RBMS3: variants seen among roughly 807,000 people sequenced by gnomAD.
RBMS3 encodes the protein RNA binding motif single stranded interacting protein 3, also known as RNA-binding motif, single-stranded-interacting protein 3.
RBMS3 carries 27 observed loss-of-function variants against 66.8 expected under a neutral mutation model. That is an observed-to-expected ratio of 0.40 (90% CI 0.30 to 0.56). The LOEUF (loss-of-function observed/expected upper bound fraction) is 0.56, where lower values mean the gene tolerates loss of function less well. Ranked by LOEUF, RBMS3 falls within the 20% of genes least tolerant of loss-of-function variation. RBMS3 has a pLI of 0.40. For synonymous variants in RBMS3, 188 were observed against 183.0 expected, an observed-to-expected ratio of 1.03 and a Z score of -0.22; for missense variants, 513 against 549.5, an observed-to-expected ratio of 0.93 and a Z score of 0.66.
chr3:29,642,070 A>T (rs951568316), intron 4 of RBMS3, among the ~76,000 whole-genome samples: 2 of 152,096 alleles, frequency 1.3e-5, no homozygotes, highest in African/African-American at 4.8e-5. Context: ...AACTGCTTTC[A>T]CTTACTGAAC....
intron 4 of RBMS3, among the ~76,000 whole-genome samples, chr3:29,608,546 T>C (rs2048387342): frequency 6.6e-6 from 1 of 152,032 alleles, no homozygotes; most frequent in African/African-American, 2.4e-5. Flanking sequence ...GTCTATTATT[T>C]AGATGACCAA....
In RBMS3 at chr3:29,456,979, A is replaced by T. The variant is rs1266370985; in HGVS notation, c.248+22064A>T. Among the ~76,000 whole-genome samples the T allele has an allele frequency of 3.3e-5, 5 of 152,210 alleles. No homozygotes were observed. In the East Asian group the frequency reaches 9.6e-4, roughly 29 times the overall value. ...TCTTTTGAAATGGTTCTTGTAGGAC[A>T]GGTTGTATTATGATGGTTATGGTGA... On this transcript the variant is annotated intron_variant, in intron 2 of 14. Transcript: ENST00000383767.
chr3:29,971,986 A>G (rs73829214), intron 12 of RBMS3, among the ~76,000 whole-genome samples: 1,721 of 152,272 alleles, frequency 0.011, 37 homozygotes, highest in African/African-American at 0.039. Context: ...GGAATAGCCA[A>G]ACATAATTGA....
At chr3:29,400,907 T>C (rs1220919845) in intron 1 of RBMS3, among the ~76,000 whole-genome samples, 1 of 152,032 alleles carries the variant, frequency 6.6e-6, no homozygotes. Flanking sequence ...ATTTTTGGAC[T>C]GGAGAGTTGA....
chr3:29,792,891 C>T (rs922459045), intron 6 of RBMS3, among the ~76,000 whole-genome samples: 2 of 151,986 alleles, frequency 1.3e-5, no homozygotes, highest in African/African-American at 4.8e-5. Context: ...TTTGGTAGAG[C>T]GTGGACATGA....
chr3:29,546,298 G>C (rs1216277454), intron 3 of RBMS3, among the ~76,000 whole-genome samples: 1 of 152,098 alleles, frequency 6.6e-6, no homozygotes, highest in Admixed American at 6.6e-5. Flanking sequence ...GCATAGAGAG[G>C]TAAAGTATAT....
intron 12 of RBMS3, among the ~76,000 whole-genome samples, chr3:29,964,601 C>T (rs1276399166): frequency 6.6e-6 from 1 of 152,078 alleles, no homozygotes; most frequent in Non-Finnish European, 1.5e-5. Context: ...TTCTTCTTTC[C>T]TTCATGAAAA....
chr3:29,400,047 G>GATTGGCAC (rs1288635553), intron 1 of RBMS3, among the ~76,000 whole-genome samples: 1 of 152,114 alleles, frequency 6.6e-6, no homozygotes, highest in Non-Finnish European at 1.5e-5. Flanking sequence ...GAAGCAGAAA[G>GATTGGCAC]ATTGGCACAC....
chr3:29,741,743 C>A (rs1201049926), intron 5 of RBMS3, among the ~76,000 whole-genome samples: 1 of 152,142 alleles, frequency 6.6e-6, no homozygotes, highest in Non-Finnish European at 1.5e-5. Context: ...TTTATTTTCT[C>A]ACAATTTTGG....
At chr3:29,459,698 A>G (rs1175187751) in intron 2 of RBMS3, among the ~76,000 whole-genome samples, 1 of 152,232 alleles carries the variant, frequency 6.6e-6, no homozygotes, top group Admixed American at 6.5e-5. Context: ...CAAGGGAAGG[A>G]CATAATCACA....
At chr3:29,987,816 A>C (rs73829219) in intron 12 of RBMS3, among the ~76,000 whole-genome samples, 1 of 151,904 alleles carries the variant, frequency 6.6e-6, no homozygotes, top group African/African-American at 2.4e-5. Context: ...ATCATCCCCA[A>C]CTCTCCTGGA....
intron 4 of RBMS3, among the ~76,000 whole-genome samples, chr3:29,733,056 T>C (rs2054201545): frequency 6.6e-6 from 1 of 152,186 alleles, no homozygotes; most frequent in Admixed American, 6.5e-5. Flanking sequence ...ATAAAATGAC[T>C]CTGAAACATT....
chr3:29,667,054 T>G (rs746732885), intron 4 of RBMS3, among the ~76,000 whole-genome samples: 28 of 152,338 alleles, frequency 1.8e-4, no homozygotes, highest in Non-Finnish European at 3.5e-4. Flanking sequence ...TAAATTAATA[T>G]TTAATATTTA....
chr3:29,574,241 A>T (rs2047036697), intron 3 of RBMS3, among the ~76,000 whole-genome samples: 1 of 152,158 alleles, frequency 6.6e-6, no homozygotes, highest in Non-Finnish European at 1.5e-5. Context: ...AGGGTGCTCC[A>T]GTGTTGGGTG....
intron 1 of RBMS3, among the ~76,000 whole-genome samples, chr3:29,419,206 ATCTTT>A (rs1015591896): frequency 3.3e-5 from 5 of 152,108 alleles, no homozygotes; most frequent in Non-Finnish European, 7.4e-5. Flanking sequence ...TTATCTATTT[ATCTTT>A]TCTTTGCTTT....
At chr3:29,843,199 A>G (rs1199357002) in intron 6 of RBMS3, among the ~76,000 whole-genome samples, 2 of 152,236 alleles carry the variant, frequency 1.3e-5, no homozygotes, top group African/African-American at 4.8e-5. Flanking sequence ...GTGAACTTCT[A>G]TTAACTCAAG....
chr3:29,457,199 C>T (rs1188812051), intron 2 of RBMS3, among the ~76,000 whole-genome samples: 6 of 152,188 alleles, frequency 3.9e-5, no homozygotes, highest in Admixed American at 3.9e-4. Context: ...GTTGCCACGT[C>T]CTAACATGTC....
intron 1 of RBMS3, among the ~76,000 whole-genome samples, chr3:29,408,089 G>A (rs905678086): frequency 4.0e-5 from 6 of 151,720 alleles, no homozygotes; most frequent in South Asian, 2.1e-4. Flanking sequence ...TGGCTAACAC[G>A]GTGAAACCCC....
intron 4 of RBMS3, among the ~76,000 whole-genome samples, chr3:29,703,126 CACTT>C (rs1303068380): frequency 6.6e-6 from 1 of 152,208 alleles, no homozygotes; most frequent in Non-Finnish European, 1.5e-5. Context: ...CAATAATTCT[CACTT>C]ACATTTAAGT....
Sources: allele counts gnomAD v4.1 joint callset (sites outside exome capture counted in the v4.1 genomes callset), GRCh38; gene constraint gnomAD v4.1.1; transcripts MANE v1.5; gene names NCBI Gene and HGNC (gene_info 2026-07-23, HGNC 2026-07-21).